The following PRSS3 variants were observed in gnomAD, a reference collection of about 807,000 sequenced individuals.
PRSS3 encodes trypsin-3.
In PRSS3, 14 loss-of-function variants were observed where a neutral mutation model predicts 20.8. The observed-to-expected ratio is 0.67, with a 90% CI of 0.44 to 1.05. PRSS3 has a LOEUF of 1.05. Among genes scored for constraint, PRSS3 ranks in the 50% least tolerant of loss-of-function variants. The pLI, the probability that PRSS3 is intolerant of heterozygous loss-of-function variation, is 0.00. For synonymous variants in PRSS3, 91 were observed against 117.6 expected, an observed-to-expected ratio of 0.77 and a Z score of 1.46; for missense variants, 237 against 306.4, an observed-to-expected ratio of 0.77 and a Z score of 1.69.
At chr9:33,754,136 A>G (rs1822830667) in intron 1 of PRSS3, among the ~76,000 whole-genome samples, 1 of 151,606 alleles carries the variant, frequency 6.6e-6, no homozygotes, top group Admixed American at 6.6e-5. Context: ...CAGTGGCACA[A>G]TCTCAGCTCA....
At chr9:33,786,379 G>A in intron 1 of PRSS3, 2 of 638,722 alleles carry the variant, frequency 3.1e-6, no homozygotes, top group Non-Finnish European at 5.6e-6. Flanking sequence ...TAGATTAAAG[G>A]ACCATAACAG....
At chr9:33,794,056 G>C (rs1310094650), upstream of PRSS3, among the ~76,000 whole-genome samples, 2 of 152,210 alleles carry the variant, frequency 1.3e-5, no homozygotes, top group Admixed American at 1.3e-4. Flanking sequence ...GCCATGCCAG[G>C]AGCTGAACCT....
chr9:33,770,567 C>T (rs545677796), intron 1 of PRSS3, among the ~76,000 whole-genome samples: 1 of 152,218 alleles, frequency 6.6e-6, no homozygotes, highest in East Asian at 1.9e-4. Context: ...TCTCCCAGTA[C>T]CTCAGGATGT....
chr9:33,789,939 TAGTG>T (rs1258021927), intron 1 of PRSS3, among the ~76,000 whole-genome samples: 2 of 152,180 alleles, frequency 1.3e-5, no homozygotes, highest in Non-Finnish European at 2.9e-5. Flanking sequence ...ATAAGAATAA[TAGTG>T]AGTTTTTAAA....
chr9:33,772,956 A>AC (rs1240903649), intron 1 of PRSS3, among the ~76,000 whole-genome samples: 11 of 151,868 alleles, frequency 7.2e-5, no homozygotes, highest in Admixed American at 2.0e-4. Flanking sequence ...CTCTTCTTTC[A>AC]CCATTTCCTG....
intron 1 of PRSS3, among the ~76,000 whole-genome samples, chr9:33,784,282 A>G (rs1824296906): frequency 6.6e-6 from 1 of 152,240 alleles, no homozygotes; most frequent in East Asian, 1.9e-4. Flanking sequence ...GTTAATTTTC[A>G]GAAGCTTTTA....
intron 1 of PRSS3, among the ~76,000 whole-genome samples, chr9:33,783,654 G>T (rs745356404): frequency 6.6e-6 from 1 of 152,138 alleles, no homozygotes; most frequent in Non-Finnish European, 1.5e-5. Flanking sequence ...GAAATATGCC[G>T]ATAAGAACCA....
intron 1 of PRSS3, among the ~76,000 whole-genome samples, chr9:33,774,691 T>TA (rs897717037): frequency 2.6e-5 from 4 of 151,082 alleles, no homozygotes; most frequent in East Asian, 1.9e-4. Context: ...AAGGAGGGTT[T>TA]AAAAAAAAAG....
chr9:33,788,051 T>G (rs1824484282), intron 1 of PRSS3, among the ~76,000 whole-genome samples: 2 of 152,140 alleles, frequency 1.3e-5, no homozygotes, highest in Non-Finnish European at 2.9e-5. Context: ...GGGTTTTATA[T>G]CACAGAGCAA....
At chr9:33,791,472 G>A (rs553498022), upstream of PRSS3, among the ~76,000 whole-genome samples, 20 of 152,290 alleles carry the variant, frequency 1.3e-4, no homozygotes, top group East Asian at 3.7e-3. Flanking sequence ...CCAGTTGACT[G>A]GATTTATCAC....
chr9:33,789,178 G>C (rs149795267), intron 1 of PRSS3, among the ~76,000 whole-genome samples: 44 of 152,262 alleles, frequency 2.9e-4, no homozygotes, highest in African/African-American at 1.0e-3. Flanking sequence ...CTCTCACTCA[G>C]GGTGGCCTAT....
chr9:33,763,762 G>A (rs1379630237), intron 1 of PRSS3, among the ~76,000 whole-genome samples: 1 of 150,208 alleles, frequency 6.7e-6, no homozygotes, highest in Admixed American at 6.6e-5. Context: ...ACATTATCTA[G>A]TTCACTCCCA....
chr9:33,768,138 G>A (rs986383935), intron 1 of PRSS3, among the ~76,000 whole-genome samples: 4 of 152,218 alleles, frequency 2.6e-5, no homozygotes, highest in Non-Finnish European at 5.9e-5. Context: ...GAGTTTGGAG[G>A]TGCATGTTGG....
At chr9:33,781,918 C>T (rs1035689522) in intron 1 of PRSS3, among the ~76,000 whole-genome samples, 1 of 152,190 alleles carries the variant, frequency 6.6e-6, no homozygotes, top group African/African-American at 2.4e-5. Context: ...CTGCCCACCC[C>T]AGACTTGGTT....
At chr9:33,779,884 A>AC (rs1824108042) in intron 1 of PRSS3, among the ~76,000 whole-genome samples, 1 of 150,320 alleles carries the variant, frequency 6.7e-6, no homozygotes, top group African/African-American at 2.4e-5. Context: ...AAAAAAAAAA[A>AC]AAAAAAAAAA....
chr9:33,752,505 T>C (rs1822744097), intron 1 of PRSS3, among the ~76,000 whole-genome samples: 1 of 152,188 alleles, frequency 6.6e-6, no homozygotes, highest in Non-Finnish European at 1.5e-5. Context: ...TAGTGGTACT[T>C]ATAGACACAT....
intron 1 of PRSS3, among the ~76,000 whole-genome samples, chr9:33,782,844 G>A (rs1416450796): frequency 6.6e-6 from 1 of 152,136 alleles, no homozygotes; most frequent in Non-Finnish European, 1.5e-5. Flanking sequence ...TCTACCCCAT[G>A]AGCCAGCAAT....
intron 1 of PRSS3, among the ~76,000 whole-genome samples, chr9:33,752,281 C>A (rs1423304256): frequency 6.6e-6 from 1 of 152,176 alleles, no homozygotes; most frequent in Non-Finnish European, 1.5e-5. Context: ...TGTTTCTCAT[C>A]TCCCCCCTAC....
At chr9:33,766,587 GTAAA>G (rs1224663668) in intron 1 of PRSS3, among the ~76,000 whole-genome samples, 2 of 151,842 alleles carry the variant, frequency 1.3e-5, no homozygotes, top group Admixed American at 6.6e-5. Flanking sequence ...AAATAAATAA[GTAAA>G]TAAATAAATA....
Sources: gnomAD v4.1 joint callset for allele counts (sites outside exome capture counted in the v4.1 genomes callset) on GRCh38, gnomAD v4.1.1 for gene constraint, MANE v1.5 for transcripts, NCBI Gene and HGNC (gene_info 2026-07-23, HGNC 2026-07-21) for gene names.